SELPLG: variants seen among roughly 807,000 people sequenced by gnomAD.
SELPLG encodes the protein P-selectin glycoprotein ligand 1.
Under a neutral mutation model 1.1 loss-of-function variants are expected in SELPLG, and 2 were observed. The observed-to-expected ratio is 1.82, with a 90% CI of 0.74 to 5.71. The LOEUF is 5.71. Ranked by LOEUF, SELPLG falls within the 30% of genes most tolerant of loss-of-function variation. The probability of loss-of-function intolerance (pLI) is 0.05; values close to 1 mark genes in which losing one functional copy is unlikely to be tolerated. For synonymous variants in SELPLG, 230 were observed against 221.2 expected (o/e 1.04, Z -0.35); for missense variants, 478 against 524.7 (o/e 0.91, Z 0.87).
At chr12:108,629,509 A>G (rs2032005485) in intron 1 of SELPLG, among the ~76,000 whole-genome samples, 1 of 152,188 alleles carries the variant, frequency 6.6e-6, no homozygotes, top group African/African-American at 2.4e-5. Context: ...GCAGGGGTTC[A>G]AGACCAGCCT....
chr12:108,623,229 G>C lies in SELPLG; in HGVS notation c.1079C>G (p.Thr360Ser). The C allele has an allele frequency of 6.2e-7, 1 of 1,614,116 alleles. No homozygotes were observed. Among genetic ancestry groups the C allele is most frequent in the South Asian group, 1.1e-5 (1 of 91,072 alleles). The change falls in exon 2 of 2, where the codon ACC (threonine) becomes AGC (serine). Residue 360 changes from threonine to serine, a missense_variant. Transcript: ENST00000550948. ...CAGGGATGAGATGCAGACCATCTCG[G>C]TGGGGGAGTAATTACGCACGGGGTA... is the stretch of plus-strand genomic sequence containing the variant. The part of the protein sequence containing the change: ...HMYPVRNYSP[T>S]EMVCISSLLP...
Position 108,623,506 on chromosome 12 carries a change from C to T in SELPLG, c.802G>A (p.Ala268Thr). ...AMEALSTEPS[A>T]TEALSMEPTT... ...GGTTCCATGGACAGGGCCTCTGTGG[C>T]ACTGGGTTCTGTGGACAGGGCCTCC... The change falls in exon 2 of 2, where the codon GCC (alanine) becomes ACC (threonine). Residue 268 changes from alanine (A) to threonine (T), a missense_variant. Physicochemically the swap from Ala to Thr is moderately conservative, Grantham distance 58. Coordinates refer to ENST00000550948, the MANE Select transcript of SELPLG (RefSeq NM_003006.4). 6.2e-7 allele frequency: 1 copy of T among 1,614,238 alleles called. No individual in the cohort carries two copies. Among genetic ancestry groups the T allele is most frequent in the Non-Finnish European group, 8.5e-7 (1 of 1,180,044 alleles).
At chr12:108,631,856 C>A (rs922623454) in intron 1 of SELPLG, 1 of 1,530,590 alleles carries the variant, frequency 6.5e-7, no homozygotes, top group East Asian at 2.4e-5. Flanking sequence ...AACACACACA[C>A]ACCAGCCATC....
In SELPLG at chr12:108,623,814, G is replaced by A. The variant is rs1337453178; in HGVS notation, c.494C>T (p.Pro165Leu). 4 of 1,611,554 alleles carry A rather than the reference G, an allele frequency of 2.5e-6. No homozygotes were observed. Among genetic ancestry groups the A allele is most frequent in the South Asian group, 2.2e-5 (2 of 90,892 alleles). The stretch of plus-strand genomic sequence containing the variant: ...GGTCTGTGCCTCTGTGGCTGCCAGT[G>A]GAGTGGTCTGTGCCTCCGTGGCCGT... The part of the protein sequence containing the change: ...RLTATEAQTT[P>L]LAATEAQTTP... Residue 165 changes from proline (P) to leucine (L), a missense_variant, in exon 2 of 2, where the codon CCA (proline) becomes CTA (leucine). Pro to Leu is a moderately conservative substitution (Grantham distance 98). Transcript: ENST00000550948.
At chr12:108,632,294 C>T (rs2136772764) in intron 1 of SELPLG, among the ~76,000 whole-genome samples, 1 of 151,988 alleles carries the variant, frequency 6.6e-6, no homozygotes, top group South Asian at 2.1e-4. Context: ...GCTCTGGGGG[C>T]CTCAAAGTCA....
rs185874411 is a variant in SELPLG, at chr12:108,625,909, C to A, written c.-5-1597G>T. 6.2e-4 allele frequency among the ~76,000 whole-genome samples: 94 copies of A among 152,282 alleles called. 1 individual carries two copies. Among genetic ancestry groups the A allele is most frequent in the Middle Eastern group, 3.4e-3 (1 of 294 alleles). ...GGATATAACACCCTTCAGCAGCACA[C>A]AACTTTTAGAATAGTGTCTGATGCA... On this transcript the variant is annotated intron_variant, in intron 1 of 1. Coordinates refer to ENST00000550948, the MANE Select transcript of SELPLG (RefSeq NM_003006.4).
rs2031831934 is a variant in SELPLG, at chr12:108,622,026, A to C, written c.*1043T>G. ...TGGAATAAAGTGGTCACTGGTGGGG[A>C]AGGGGCAGCCCTCCCTTTGGCCCCC... On this transcript the variant is annotated 3_prime_UTR_variant, in exon 2 of 2. Coordinates refer to ENST00000550948, the MANE Select transcript of SELPLG (RefSeq NM_003006.4). Among the ~76,000 whole-genome samples the C allele has an allele frequency of 6.6e-6, 1 of 152,104 alleles. No homozygotes were observed. Among genetic ancestry groups the C allele is most frequent in the Non-Finnish European group, 1.5e-5 (1 of 68,002 alleles).
chr12:108,631,809 CCT>C, intron 1 of SELPLG: 1 of 1,310,554 alleles, frequency 7.6e-7, no homozygotes, highest in Non-Finnish European at 1.1e-6. Context: ...TCTAAACACC[CCT>C]GTGTAGACAG....
At chr12:108,628,293 C>A (rs1359690197) in intron 1 of SELPLG, among the ~76,000 whole-genome samples, 1 of 149,104 alleles carries the variant, frequency 6.7e-6, no homozygotes, top group Non-Finnish European at 1.5e-5. Context: ...AAGTTCCAAG[C>A]TTACAGTAGG....
At position 108,623,002 on chromosome 12, in the gene SELPLG, G is replaced by A. The variant is rs536498687; in HGVS notation, c.*67C>T. The A allele has an allele frequency of 7.4e-4, 1,055 of 1,420,940 alleles. 1 individual carries two copies. The highest frequency in any genetic ancestry group is 1.2e-3 in the Admixed American group (43 of 34,892). The allele number at this position is 1,420,940 out of a possible 1,614,324, so 88.0% of individuals were successfully genotyped here. A position where few individuals can be genotyped will look rare whatever the true frequency, so the allele number is the denominator to read the frequency against. On this transcript the variant is annotated 3_prime_UTR_variant, in exon 2 of 2. Transcript: ENST00000550948. ...GCCCAGAGCTGTGGAATGGGGTCTG[G>A]GCACTCAGGGGTGGCCCAGGAGAGC...
At chr12:108,628,883 G>C (rs989676969) in intron 1 of SELPLG, 1 of 152,268 alleles carries the variant, frequency 6.6e-6, no homozygotes, top group African/African-American at 2.4e-5. Context: ...GTGTAAACTC[G>C]GGCAGGTTGC....
At position 108,624,216 on chromosome 12, in the gene SELPLG, G is replaced by A. The variant is rs769253606; in HGVS notation, c.92C>T (p.Ala31Val). Residue 31 changes from alanine (A) to valine (V), a missense_variant, in exon 2 of 2, where the codon GCC becomes GTC. Transcript: ENST00000550948. The part of the protein sequence containing the change: ...WDTWADEAEK[A>V]LGPLLARDRR... ...GTCCCGGGCAAGCAGGGGACCCAAG[G>A]CTTTCTCGGCTTCATCTGCCCAGGT... 6.2e-7 allele frequency: 1 copy of A among 1,614,102 alleles called. No individual in the cohort carries two copies. Among genetic ancestry groups the A allele is most frequent in the Non-Finnish European group, 8.5e-7 (1 of 1,180,048 alleles).
chr12:108,629,728 T>A (rs1242776713), intron 1 of SELPLG, among the ~76,000 whole-genome samples: 1 of 152,000 alleles, frequency 6.6e-6, no homozygotes, highest in Non-Finnish European at 1.5e-5. Context: ...ATATTTTTTT[T>A]AATGAAAGAA....
At position 108,623,138 on chromosome 12, in the gene SELPLG, C is replaced by T. The variant is rs754243195; in HGVS notation, c.1170G>A (p.Pro390=). The T allele has an allele frequency of 1.1e-5, 17 of 1,602,474 alleles. No individual in the cohort carries two copies. Among genetic ancestry groups the T allele is most frequent in the African/African-American group, 8.0e-5 (6 of 74,590 alleles). Residue 390 remains proline, a synonymous_variant, in exon 2 of 2, where the codon CCG becomes CCA. Coordinates refer to ENST00000550948, the MANE Select transcript of SELPLG (RefSeq NM_003006.4). ...CCTCCCTGGGCTCTGGCGTCAGGCC[C>T]GGGCTCTTGGCCTTGGACAGGCCCC... ...ANGGLSKAKS[P]GLTPEPREDR...
rs766852380 is a variant in SELPLG, at chr12:108,623,861, T to A, written c.447A>T (p.Thr149=). ...TEAQTTPLAA[T]EAQTTRLTAT... is the part of the protein sequence containing the mutation. Reference sequence around the variant, plus strand: ...CCGTCAGTCGAGTTGTCTGTGCCTCTGTGGCTGCCAGTGGAGTGGTCTGTG... The same window carrying A: ...CCGTCAGTCGAGTTGTCTGTGCCTCAGTGGCTGCCAGTGGAGTGGTCTGTG... Residue 149 remains threonine, a synonymous_variant, in exon 2 of 2, where the codon ACA becomes ACT. Transcript: ENST00000550948. 6.5e-5 allele frequency: 100 copies of A among 1,546,288 alleles called. No homozygotes were observed. The highest frequency in any genetic ancestry group is 8.0e-5 in the Non-Finnish European group (91 of 1,144,004).
chr12:108,630,912 T>C (rs776993288), intron 1 of SELPLG, among the ~76,000 whole-genome samples: 70 of 152,318 alleles, frequency 4.6e-4, no homozygotes, highest in Non-Finnish European at 8.7e-4. Context: ...AGGCCCAGGA[T>C]TCAGCCGATG....
chr12:108,633,660 C>A (rs996666667), intron 1 of SELPLG, 80 bp downstream of exon 1: 1 of 152,326 alleles, frequency 6.6e-6, no homozygotes, highest in Non-Finnish European at 1.5e-5. Context: ...CCTACCCGGG[C>A]CTGCCAGCAG....
chr12:108,624,690 TTTC>T (rs1423703436), intron 1 of SELPLG, among the ~76,000 whole-genome samples: 2 of 143,176 alleles, frequency 1.4e-5, no homozygotes, highest in Non-Finnish European at 3.1e-5. Context: ...TCACTCCTTT[TTTC>T]TTTTTTTTTT....
intron 1 of SELPLG, among the ~76,000 whole-genome samples, chr12:108,628,424 G>C (rs368679916): frequency 8.5e-5 from 13 of 152,074 alleles, no homozygotes; most frequent in African/African-American, 2.9e-4. Context: ...GTTCTTATCT[G>C]GGGGAAGAAT....
Sources: gnomAD v4.1 joint callset for allele counts (sites outside exome capture counted in the v4.1 genomes callset) on GRCh38, gnomAD v4.1.1 for gene constraint, MANE v1.5 for transcripts, NCBI Gene and HGNC (gene_info 2026-07-23, HGNC 2026-07-21) for gene names.